FGGY: variants seen among roughly 807,000 people sequenced by gnomAD.
FGGY encodes FGGY carbohydrate kinase domain-containing protein.
FGGY carries 72 observed loss-of-function variants against 71.3 expected under a neutral mutation model. That is an observed-to-expected ratio of 1.01 (90% CI 0.84 to 1.23). The LOEUF (loss-of-function observed/expected upper bound fraction) is 1.23, where lower values mean the gene tolerates loss of function less well. Ranked by LOEUF, FGGY falls within the 50% of genes most tolerant of loss-of-function variation. The probability of loss-of-function intolerance (pLI) is 0.00; values close to 1 mark genes in which losing one functional copy is unlikely to be tolerated. For missense variants in FGGY, 668 were observed against 682.3 expected, an observed-to-expected ratio of 0.98 and a Z score of 0.23; for synonymous variants, 251 against 250.3, an observed-to-expected ratio of 1.00 and a Z score of -0.02.
At chr1:59,568,864 ATAATTAAGTTAGTTTAAAG>A (rs1054692130) in intron 8 of FGGY, among the ~76,000 whole-genome samples, 1 of 152,194 alleles carries the variant, frequency 6.6e-6, no homozygotes, top group Non-Finnish European at 1.5e-5. Context: ...CACATAGTTT[ATAATTAAGTTAGTTTAAAG>A]TGATACGGTA....
At chr1:59,648,893 T>G (rs2153924725) in intron 11 of FGGY, among the ~76,000 whole-genome samples, 1 of 152,290 alleles carries the variant, frequency 6.6e-6, no homozygotes, top group South Asian at 2.1e-4. Context: ...GTCTAATGTT[T>G]AAATCTTTAA....
At chr1:59,444,960 T>C (rs2070877557) in intron 5 of FGGY, among the ~76,000 whole-genome samples, 2 of 152,160 alleles carry the variant, frequency 1.3e-5, no homozygotes, top group African/African-American at 2.4e-5. Flanking sequence ...TGTCCTTTGA[T>C]ACCATAAGCT....
intron 6 of FGGY, among the ~76,000 whole-genome samples, 154 bp downstream of exon 6, chr1:59,457,230 G>A (rs930860362): frequency 6.6e-6 from 1 of 152,120 alleles, no homozygotes; most frequent in African/African-American, 2.4e-5. Context: ...AATTATGATG[G>A]GTAGGCCATG....
intron 1 of FGGY, among the ~76,000 whole-genome samples, chr1:59,317,894 T>C (rs1001386746): frequency 6.6e-6 from 1 of 152,192 alleles, no homozygotes; most frequent in African/African-American, 2.4e-5. Flanking sequence ...GAAATCCATA[T>C]TTTGCTAGAA....
chr1:59,434,450 C>G (rs1223815850), intron 5 of FGGY, among the ~76,000 whole-genome samples: 1 of 152,154 alleles, frequency 6.6e-6, no homozygotes, highest in Non-Finnish European at 1.5e-5. Context: ...GCAGGACACA[C>G]TTAACACTCT....
chr1:59,629,497 G>T (rs555191353), intron 10 of FGGY, among the ~76,000 whole-genome samples: 1 of 152,006 alleles, frequency 6.6e-6, no homozygotes, highest in Admixed American at 6.6e-5. Flanking sequence ...CCATTGAGAG[G>T]GATTATGTCA....
At chr1:59,537,342 AAAAG>A (rs1337706246) in intron 7 of FGGY, among the ~76,000 whole-genome samples, 4 of 152,192 alleles carry the variant, frequency 2.6e-5, no homozygotes, top group African/African-American at 9.7e-5. Context: ...TCAAGGAAAT[AAAAG>A]AGGACACAAA....
chr1:59,548,840 G>A (rs2095565318), intron 7 of FGGY, among the ~76,000 whole-genome samples: 1 of 152,070 alleles, frequency 6.6e-6, no homozygotes. Context: ...ACTGTTATGG[G>A]TACTTTACAC....
chr1:59,369,956 G>C (rs2057306244), intron 4 of FGGY, among the ~76,000 whole-genome samples: 1 of 152,124 alleles, frequency 6.6e-6, no homozygotes, highest in Admixed American at 6.5e-5. Context: ...AAACCACAAA[G>C]ATGGGGAAAA....
chr1:59,436,956 A>G (rs994311692), intron 5 of FGGY, among the ~76,000 whole-genome samples: 2 of 152,208 alleles, frequency 1.3e-5, no homozygotes, highest in African/African-American at 4.8e-5. Context: ...CCATGACACT[A>G]TGCCACAGGC....
At chr1:59,555,067 C>G (rs2095663518) in intron 8 of FGGY, among the ~76,000 whole-genome samples, 1 of 152,090 alleles carries the variant, frequency 6.6e-6, no homozygotes, top group South Asian at 2.1e-4. Context: ...ACCCCTGAGC[C>G]TTTTTACCAT....
chr1:59,610,806 T>G (rs975015346), intron 9 of FGGY, among the ~76,000 whole-genome samples: 1 of 152,206 alleles, frequency 6.6e-6, no homozygotes, highest in Non-Finnish European at 1.5e-5. Context: ...ATTGGGTCAC[T>G]CCCACACGGC....
At chr1:59,615,999 A>C (rs2096748822) in intron 9 of FGGY, among the ~76,000 whole-genome samples, 1 of 152,184 alleles carries the variant, frequency 6.6e-6, no homozygotes, top group African/African-American at 2.4e-5. Flanking sequence ...AGGAAACAAC[A>C]GGTGCTGGAG....
chr1:59,631,392 AG>A (rs1319065519), intron 10 of FGGY, among the ~76,000 whole-genome samples: 2 of 152,160 alleles, frequency 1.3e-5, no homozygotes, highest in Non-Finnish European at 1.5e-5. Context: ...AGTAAATGTT[AG>A]TTCGGTTTCC....
intron 8 of FGGY, among the ~76,000 whole-genome samples, chr1:59,565,996 A>G (rs1410968704): frequency 6.6e-6 from 1 of 152,220 alleles, no homozygotes; most frequent in Admixed American, 6.5e-5. Context: ...ATGTGAAGAC[A>G]TGCGGCTGAC....
chr1:59,485,184 A>G (rs2093622346), intron 6 of FGGY, among the ~76,000 whole-genome samples: 1 of 152,040 alleles, frequency 6.6e-6, no homozygotes, highest in South Asian at 2.1e-4. Flanking sequence ...AGTCCAGAGA[A>G]TGCTGAATGC....
At chr1:59,352,819 A>G (rs2053563236) in intron 4 of FGGY, among the ~76,000 whole-genome samples, 1 of 152,242 alleles carries the variant, frequency 6.6e-6, no homozygotes, top group Non-Finnish European at 1.5e-5. Context: ...TGTTGATGAC[A>G]TAATAACACC....
chr1:59,715,358 C>T (rs781099970), intron 14 of FGGY, among the ~76,000 whole-genome samples: 2 of 152,198 alleles, frequency 1.3e-5, no homozygotes, highest in Admixed American at 1.3e-4. Context: ...TCCCTACTGA[C>T]TGGAATCAGG....
At chr1:59,604,718 A>G (rs1272534549) in intron 8 of FGGY, among the ~76,000 whole-genome samples, 1 of 152,204 alleles carries the variant, frequency 6.6e-6, no homozygotes, top group East Asian at 1.9e-4. Context: ...CATCGTGGTC[A>G]TCCATGTACT....
Sources: gnomAD v4.1 joint callset for allele counts (sites outside exome capture counted in the v4.1 genomes callset) on GRCh38, gnomAD v4.1.1 for gene constraint, MANE v1.5 for transcripts, NCBI Gene and HGNC (gene_info 2026-07-23, HGNC 2026-07-21) for gene names.